Variants in FOXN2 observed in about 807,000 individuals in gnomAD.
FOXN2 encodes forkhead box protein N2.
FOXN2 carries 19 observed loss-of-function variants against 41.2 expected under a neutral mutation model. The ratio of observed to expected loss-of-function variants is 0.46; its 90% CI spans 0.32 to 0.68. The LOEUF (loss-of-function observed/expected upper bound fraction) is 0.68. Among genes scored for constraint, FOXN2 ranks in the 30% least tolerant of loss-of-function variants. The pLI, the probability that FOXN2 is intolerant of heterozygous loss-of-function variation, is 0.03. For missense variants in FOXN2, 587 were observed against 509.4 expected, an observed-to-expected ratio of 1.15 and a Z score of -1.47; for synonymous variants, 195 against 176.8, an observed-to-expected ratio of 1.10 and a Z score of -0.82.
At chr2:48,331,382 T>A (rs889977700) in intron 2 of FOXN2, among the ~76,000 whole-genome samples, 1 of 152,260 alleles carries the variant, frequency 6.6e-6, no homozygotes, top group Middle Eastern at 3.4e-3. Context: ...AAATTGAAAA[T>A]GTAGCATGAA....
intron 5 of FOXN2, among the ~76,000 whole-genome samples, chr2:48,365,201 G>C (rs903296502): frequency 7.9e-5 from 12 of 152,132 alleles, no homozygotes; most frequent in African/African-American, 2.9e-4. Flanking sequence ...GCAGTGTGCT[G>C]ATATCTTTAA....
At chr2:48,347,030 A>G (rs1671150104) in intron 3 of FOXN2, among the ~76,000 whole-genome samples, 1 of 152,150 alleles carries the variant, frequency 6.6e-6, no homozygotes, top group Admixed American at 6.6e-5. Flanking sequence ...TCCTATAACT[A>G]TCAGCATTTG....
intron 2 of FOXN2, among the ~76,000 whole-genome samples, chr2:48,343,596 TAAAA>T (rs1158270026): frequency 1.3e-5 from 2 of 151,764 alleles, no homozygotes; most frequent in African/African-American, 4.8e-5. Context: ...TCTGTTTCTA[TAAAA>T]AAAATTTAAA....
rs959535701 is a variant in FOXN2 at position 48,325,844 on chromosome 2, CTTTTT to C, written c.-156-2699_-156-2695del. On this transcript the variant is annotated intron_variant, in intron 1 of 6. Coordinates refer to ENST00000340553, the MANE Select transcript of FOXN2 (RefSeq NM_002158.4). ...TTAGAGAATTCTTCCCTCAAGATTT[CTTTTT>C]TTTTTTTTTTTTTTTTTGAGACGAA... 2.0e-3 allele frequency among the ~76,000 whole-genome samples: 210 copies of C among 102,908 alleles called. 1 individual carries two copies. Among genetic ancestry groups the C allele is most frequent in the African/African-American group, 7.2e-3 (198 of 27,442 alleles). The allele number at this position is 102,908 out of a possible 152,430, so 67.5% of individuals were successfully genotyped here.
At chr2:48,347,090 A>AT (rs1671154200) in intron 3 of FOXN2, among the ~76,000 whole-genome samples, 1 of 152,072 alleles carries the variant, frequency 6.6e-6, no homozygotes, top group Admixed American at 6.6e-5. Context: ...AGTATAGACC[A>AT]TTTAAATTAA....
chr2:48,363,053 A>C (rs1353617340), intron 5 of FOXN2, among the ~76,000 whole-genome samples: 1 of 152,202 alleles, frequency 6.6e-6, no homozygotes, highest in East Asian at 1.9e-4. Context: ...CAATTAAAAA[A>C]AGTTAACTGT....
chr2:48,354,218 T>C (rs967067028), intron 3 of FOXN2, among the ~76,000 whole-genome samples: 2 of 152,202 alleles, frequency 1.3e-5, no homozygotes, highest in Admixed American at 1.3e-4. Flanking sequence ...GCCAACAGTG[T>C]CAAATGTTGC....
chr2:48,323,054 T>C (rs1350261549), intron 1 of FOXN2, among the ~76,000 whole-genome samples: 1 of 152,092 alleles, frequency 6.6e-6, no homozygotes, highest in Non-Finnish European at 1.5e-5. Context: ...AAGGGTATTA[T>C]GAGAACACAG....
At chr2:48,348,361 A>C (rs1161203769) in intron 3 of FOXN2, among the ~76,000 whole-genome samples, 2 of 151,806 alleles carry the variant, frequency 1.3e-5, no homozygotes, top group African/African-American at 4.8e-5. Flanking sequence ...TTTAATTTCT[A>C]ATGTTTTCAT....
chr2:48,364,538 T>C (rs1672402553), intron 5 of FOXN2, among the ~76,000 whole-genome samples: 1 of 152,228 alleles, frequency 6.6e-6, no homozygotes, highest in Non-Finnish European at 1.5e-5. Context: ...ACACTGTGTA[T>C]ACAGTTTTAT....
At chr2:48,347,225 T>C (rs1489097444) in intron 3 of FOXN2, among the ~76,000 whole-genome samples, 1 of 140,008 alleles carries the variant, frequency 7.1e-6, no homozygotes, top group African/African-American at 2.6e-5. Flanking sequence ...TGGTGCTTTT[T>C]TTTTTTTTTT....
At chr2:48,351,697 C>G (rs556594680) in intron 3 of FOXN2, among the ~76,000 whole-genome samples, 1 of 152,072 alleles carries the variant, frequency 6.6e-6, no homozygotes, top group Non-Finnish European at 1.5e-5. Context: ...ATGGGCTGAT[C>G]GGACAGGAGG....
chr2:48,339,571 TC>T (rs1236468733), intron 2 of FOXN2, among the ~76,000 whole-genome samples: 1 of 152,192 alleles, frequency 6.6e-6, no homozygotes, highest in Non-Finnish European at 1.5e-5. Flanking sequence ...GATATGTCCC[TC>T]TAGCAGTGTA....
intron 3 of FOXN2, 21 bp from the exon 4 acceptor site, chr2:48,359,022 GTTAT>G (rs1671991887): frequency 6.4e-7 from 1 of 1,557,574 alleles, no homozygotes; most frequent in African/African-American, 1.4e-5. Context: ...AAAGTTCCTA[GTTAT>G]TCTTGTGCAT....
intron 2 of FOXN2, among the ~76,000 whole-genome samples, chr2:48,336,559 A>G (rs564229849): frequency 6.6e-6 from 1 of 152,112 alleles, no homozygotes; most frequent in Non-Finnish European, 1.5e-5. Context: ...AAATATGTAT[A>G]TAATTTCCAC....
chr2:48,353,148 C>T (rs2104417796), intron 3 of FOXN2, among the ~76,000 whole-genome samples: 1 of 152,216 alleles, frequency 6.6e-6, no homozygotes, highest in African/African-American at 2.4e-5. Flanking sequence ...GTAAATATGA[C>T]TTACTAAATA....
intron 6 of FOXN2, 107 bp from the exon 7 acceptor site, chr2:48,374,813 A>C: frequency 1.1e-6 from 1 of 911,428 alleles, no homozygotes. Flanking sequence ...ACAAAGCATC[A>C]TGAATCTAAA....
rs775392994 is a variant in FOXN2, at chr2:48,346,621, A to G, written c.407A>G (p.Lys136Arg). 1 of 1,614,056 alleles carries G rather than the reference A, an allele frequency of 6.2e-7. No homozygotes were observed. Among genetic ancestry groups the G allele is most frequent in the Non-Finnish European group, 8.5e-7 (1 of 1,180,012 alleles). The change falls in exon 3 of 7, where the codon AAA (lysine) becomes AGA (arginine). Residue 136 changes from lysine to arginine, a missense_variant. Transcript: ENST00000340553. ...TCTCCAAATAAATGTTTGCCTGTCAAAGAAATTTATAGCTGGATTCTGGAC... is the reference window on the plus strand; with the variant it reads ...TCTCCAAATAAATGTTTGCCTGTCAGAGAAATTTATAGCTGGATTCTGGAC... ...EHSPNKCLPV[K>R]EIYSWILDHF...
At chr2:48,345,513 A>G (rs1303921706) in intron 2 of FOXN2, among the ~76,000 whole-genome samples, 1 of 152,140 alleles carries the variant, frequency 6.6e-6, no homozygotes, top group Non-Finnish European at 1.5e-5. Flanking sequence ...ACAAAGAGAG[A>G]TAGGTATATG....
Sources: gnomAD v4.1 joint callset for allele counts (sites outside exome capture counted in the v4.1 genomes callset) on GRCh38, gnomAD v4.1.1 for gene constraint, MANE v1.5 for transcripts, NCBI Gene and HGNC (gene_info 2026-07-23, HGNC 2026-07-21) for gene names.